PMM2: variants seen among roughly 807,000 people sequenced by gnomAD.
The protein encoded by PMM2 is phosphomannomutase 2, also known as mannose-6-phosphate isomerase.
PMM2 carries 35 observed loss-of-function variants against 33.2 expected under a neutral mutation model. The ratio of observed to expected loss-of-function variants is 1.06; its 90% CI spans 0.81 to 1.40. PMM2 has a LOEUF of 1.40. Among genes scored for constraint, PMM2 ranks in the 40% most tolerant of loss-of-function variants. The pLI, the probability that PMM2 is intolerant of heterozygous loss-of-function variation, is 0.00. For synonymous variants in PMM2, 153 were observed against 114.7 expected (o/e 1.33, Z -2.13); for missense variants, 386 against 306.0 (o/e 1.26, Z -1.95).
intron 7 of PMM2, among the ~76,000 whole-genome samples, chr16:8,824,944 C>G (rs1463898635): frequency 2.0e-5 from 3 of 152,166 alleles, no homozygotes; most frequent in Non-Finnish European, 4.4e-5. Context: ...CATTGTCTCT[C>G]TCTGTCAATA....
At chr16:8,832,278 G>A in intron 7 of PMM2, 1 of 985,448 alleles carries the variant, frequency 1.0e-6, no homozygotes, top group South Asian at 4.7e-5. Flanking sequence ...GCTCCTGCGA[G>A]CCGTGCGGCT....
chr16:8,847,599 G>C, intron 7 of PMM2, 125 bp from the exon 8 acceptor site: 1 of 734,594 alleles, frequency 1.4e-6, no homozygotes, highest in South Asian at 1.4e-5. Context: ...GAGGAAGGTA[G>C]CTGAAGAAAC....
intron 4 of PMM2, chr16:8,808,552 A>G (rs1347534474): frequency 6.6e-6 from 1 of 152,238 alleles, no homozygotes; most frequent in African/African-American, 2.4e-5. Flanking sequence ...TACATGCCCC[A>G]CAACGGCCAG....
chr16:8,832,349 G>T (rs1373230408), intron 7 of PMM2: 5 of 985,312 alleles, frequency 5.1e-6, no homozygotes, highest in Non-Finnish European at 4.8e-6. Context: ...AGGGTCGGGA[G>T]GATTTCACCT....
chr16:8,833,588 G>A (rs552164702), intron 7 of PMM2, among the ~76,000 whole-genome samples: 16 of 151,748 alleles, frequency 1.1e-4, no homozygotes, highest in East Asian at 5.8e-4. Context: ...TGCTTCAAGC[G>A]GGATTAGGGG....
rs1334337531 is a variant in PMM2, at chr16:8,811,191, G to A, written c.447+13G>A. On this transcript the variant is annotated intron_variant, in intron 5 of 7. Transcript: ENST00000268261. Reference sequence around the variant, plus strand: ...CGAACTCGATAAAGTACGTCTTTCTGAAATATCTTTGGTGAATGGCTGGGT... The same window carrying A: ...CGAACTCGATAAAGTACGTCTTTCTAAAATATCTTTGGTGAATGGCTGGGT... 4 of 1,500,538 alleles carry A rather than the reference G, an allele frequency of 2.7e-6. No homozygotes were observed. In the African/African-American group the frequency reaches 5.5e-5, roughly 21 times the overall value. 93.0% of individuals were successfully genotyped at this position (1,500,538 alleles called of 1,614,324 possible). A position where few individuals can be genotyped will look rare whatever the true frequency, so the allele number is the denominator to read the frequency against.
intron 2 of PMM2, 158 bp downstream of exon 2, chr16:8,802,068 G>A: frequency 3.2e-6 from 2 of 629,458 alleles, no homozygotes. Flanking sequence ...CTTTTCCTCT[G>A]CTTTTAATCC....
chr16:8,821,661 C>G (rs2141030014), intron 7 of PMM2, among the ~76,000 whole-genome samples: 1 of 152,342 alleles, frequency 6.6e-6, no homozygotes, highest in African/African-American at 2.4e-5. Context: ...GTGCTCAGAG[C>G]CGTCAACAGA....
At chr16:8,822,101 T>G (rs2060742341) in intron 7 of PMM2, among the ~76,000 whole-genome samples, 1 of 152,184 alleles carries the variant, frequency 6.6e-6, no homozygotes, top group Admixed American at 6.5e-5. Context: ...TCCAAGAATT[T>G]GGGGATCAGA....
chr16:8,812,737 G>A (rs1217603928), intron 6 of PMM2, among the ~76,000 whole-genome samples: 4 of 152,142 alleles, frequency 2.6e-5, no homozygotes, highest in Non-Finnish European at 4.4e-5. Flanking sequence ...GCGCTTAAAC[G>A]CAAATGCATT....
intron 7 of PMM2, among the ~76,000 whole-genome samples, chr16:8,817,630 G>A (rs909121429): frequency 2.0e-5 from 3 of 152,170 alleles, no homozygotes; most frequent in African/African-American, 4.8e-5. Context: ...ACCATGCCTG[G>A]ATTCTATTTT....
intron 2 of PMM2, chr16:8,802,395 T>G: frequency 2.4e-6 from 1 of 420,162 alleles, no homozygotes; most frequent in East Asian, 7.0e-5. Flanking sequence ...TTTCAGTGAG[T>G]ACCTCTGAGA....
Position 8,812,672 on chromosome 16 carries a change from G to A in PMM2, c.524-319G>A, listed in dbSNP as rs368761348. On this transcript the variant is annotated intron_variant, in intron 6 of 7. Coordinates refer to ENST00000268261, the MANE Select transcript of PMM2 (RefSeq NM_000303.3). ...GCCCGAGACAAGCACAGCAGAATGAGGCTGGTATCCGATTTTTCATAAGCA... is the reference window on the plus strand; with the variant it reads ...GCCCGAGACAAGCACAGCAGAATGAAGCTGGTATCCGATTTTTCATAAGCA... 4.6e-5 allele frequency among the ~76,000 whole-genome samples: 7 copies of A among 152,332 alleles called. No homozygotes were observed. In the East Asian group the frequency reaches 1.3e-3, roughly 29 times the overall value.
At chr16:8,836,353 T>C (rs1257372333) in intron 7 of PMM2, among the ~76,000 whole-genome samples, 2 of 151,430 alleles carry the variant, frequency 1.3e-5, no homozygotes, top group African/African-American at 4.9e-5. Flanking sequence ...CTCTGGGGAG[T>C]GGCTGCCAGG....
At chr16:8,832,286 G>C in intron 7 of PMM2, 2 of 985,462 alleles carry the variant, frequency 2.0e-6, no homozygotes, top group Non-Finnish European at 2.4e-6. Context: ...GAGCCGTGCG[G>C]CTCTCTGAAA....
intron 7 of PMM2, among the ~76,000 whole-genome samples, chr16:8,836,194 T>C (rs140263734): frequency 0.046 from 7,051 of 151,836 alleles, 276 homozygotes; most frequent in Middle Eastern, 0.13. Flanking sequence ...AAGAAGGGGA[T>C]GGACTTACCC....
intron 7 of PMM2, among the ~76,000 whole-genome samples, chr16:8,840,725 C>T (rs1296893077): frequency 6.6e-6 from 1 of 152,024 alleles, no homozygotes; most frequent in East Asian, 1.9e-4. Context: ...GAACGGTGAG[C>T]CTAGTGGGGA....
chr16:8,842,963 C>T (rs1046743715), intron 7 of PMM2, among the ~76,000 whole-genome samples: 3 of 152,076 alleles, frequency 2.0e-5, no homozygotes, highest in East Asian at 3.9e-4. Flanking sequence ...GAGAGGAAGA[C>T]GCAAAGGAGG....
chr16:8,841,010 C>T (rs2060886713), intron 7 of PMM2, among the ~76,000 whole-genome samples: 2 of 152,000 alleles, frequency 1.3e-5, no homozygotes, highest in Admixed American at 6.6e-5. Context: ...TATAAAAGTT[C>T]AAATGGACTG....
Sources: gnomAD v4.1 joint callset for allele counts (sites outside exome capture counted in the v4.1 genomes callset) on GRCh38, gnomAD v4.1.1 for gene constraint, MANE v1.5 for transcripts, NCBI Gene and HGNC (gene_info 2026-07-23, HGNC 2026-07-21) for gene names.